The following CSMD2 variants were observed in gnomAD, a reference collection of about 807,000 sequenced individuals.
CSMD2 encodes CUB and sushi domain-containing protein 2.
CSMD2 carries 130 observed loss-of-function variants against 398.5 expected under a neutral mutation model. The observed-to-expected ratio is 0.33, with a 90% CI of 0.28 to 0.38. The LOEUF (loss-of-function observed/expected upper bound fraction) is 0.38. Among genes scored for constraint, CSMD2 ranks in the 10% least tolerant of loss-of-function variants. CSMD2 has a pLI of 1.00. For synonymous variants in CSMD2, 1,828 were observed against 1,908.5 expected, an observed-to-expected ratio of 0.96 and a Z score of 1.10; for missense variants, 3,829 against 4,764.9, an observed-to-expected ratio of 0.80 and a Z score of 5.78.
At chr1:33,704,902 A>T (rs1402575516) in intron 22 of CSMD2, among the ~76,000 whole-genome samples, 1 of 150,074 alleles carries the variant, frequency 6.7e-6, no homozygotes. Flanking sequence ...AGCTGGGACT[A>T]CAGGCACCCG....
At chr1:33,672,749 T>A (rs2149034646) in intron 25 of CSMD2, among the ~76,000 whole-genome samples, 1 of 152,304 alleles carries the variant, frequency 6.6e-6, no homozygotes, top group East Asian at 1.9e-4. Context: ...GGCTGGGTAC[T>A]CCTCTGAGAT....
intron 2 of CSMD2, among the ~76,000 whole-genome samples, chr1:34,051,206 T>C (rs1653132804): frequency 6.6e-6 from 1 of 152,124 alleles, no homozygotes; most frequent in East Asian, 1.9e-4. Flanking sequence ...CCAGAACAAC[T>C]CAATCCAGGC....
At chr1:33,600,395 A>G (rs1640135547) in intron 44 of CSMD2, 2 of 579,122 alleles carry the variant, frequency 3.5e-6, no homozygotes, top group Non-Finnish European at 6.1e-6. Flanking sequence ...GCTGCCAATA[A>G]AGGCATACCT....
At chr1:34,105,886 C>T (rs968861796) in intron 1 of CSMD2, among the ~76,000 whole-genome samples, 6 of 152,252 alleles carry the variant, frequency 3.9e-5, no homozygotes, top group South Asian at 2.1e-4. Context: ...ATACCACTTC[C>T]GTGTTTGTTG....
At chr1:34,138,330 G>T (rs1187572379) in intron 1 of CSMD2, among the ~76,000 whole-genome samples, 1 of 152,176 alleles carries the variant, frequency 6.6e-6, no homozygotes, top group African/African-American at 2.4e-5. Context: ...TCACAAGCTT[G>T]TCACTAAGGT....
intron 56 of CSMD2, among the ~76,000 whole-genome samples, chr1:33,548,728 T>A (rs922718293): frequency 3.9e-5 from 6 of 152,248 alleles, no homozygotes; most frequent in African/African-American, 1.4e-4. Context: ...GGATTTAAGG[T>A]TCACTCATTG....
At chr1:33,554,049 T>G (rs1470708722) in intron 55 of CSMD2, among the ~76,000 whole-genome samples, 2 of 152,118 alleles carry the variant, frequency 1.3e-5, no homozygotes. Flanking sequence ...AGAGGCCATT[T>G]CTATAACATA....
At chr1:33,884,136 C>T (rs28627490) in intron 5 of CSMD2, among the ~76,000 whole-genome samples, 5,542 of 152,130 alleles carry the variant, frequency 0.036, 134 homozygotes, top group South Asian at 0.076. Flanking sequence ...AGTCTAGGCT[C>T]CCAGGAAGTC....
At chr1:34,085,133 A>G (rs111371255) in intron 2 of CSMD2, among the ~76,000 whole-genome samples, 2 of 152,154 alleles carry the variant, frequency 1.3e-5, no homozygotes, top group African/African-American at 2.4e-5. Context: ...CACAAGGACA[A>G]AAAACCAAAC....
chr1:33,877,414 TCA>T (rs1415826535), intron 5 of CSMD2, among the ~76,000 whole-genome samples: 11 of 152,144 alleles, frequency 7.2e-5, no homozygotes, highest in Admixed American at 3.3e-4. Context: ...GGCCTGGAAC[TCA>T]CAGCAAAATT....
chr1:33,636,497 C>G lies in CSMD2; in HGVS notation c.4832G>C (p.Gly1611Ala). Residue 1611 changes from glycine (G) to alanine (A), a missense_variant, in exon 30 of 71, where the codon GGG becomes GCG. Coordinates refer to ENST00000373381, the MANE Select transcript of CSMD2 (RefSeq NM_001281956.2). This position sits in a 1 kb window ranked among gnomAD's most constrained non-coding sequence, Gnocchi z 4.8. Reference protein sequence around the residue: ...PGSIKNGTRVGSDLKLGSSVT... With the variant: ...PGSIKNGTRVASDLKLGSSVT... ...GGAGGAGCCCAGCTTCAGGTCGGACCCCACCCGTGTGCCGTTCTTGATGGA... is the reference window on the plus strand; with the variant it reads ...GGAGGAGCCCAGCTTCAGGTCGGACGCCACCCGTGTGCCGTTCTTGATGGA... 6.2e-7 allele frequency: 1 copy of G among 1,614,154 alleles called. No individual in the cohort carries two copies. Among genetic ancestry groups the G allele is most frequent in the African/African-American group, 1.3e-5 (1 of 75,026 alleles).
intron 2 of CSMD2, among the ~76,000 whole-genome samples, chr1:34,071,386 G>A (rs1037927967): frequency 6.6e-6 from 1 of 152,254 alleles, no homozygotes; most frequent in African/African-American, 2.4e-5. Context: ...AACTGGTGCA[G>A]TAATACGTGA....
At chr1:33,692,899 C>A (rs772344290) in intron 25 of CSMD2, 31 bp downstream of exon 25, 3 of 1,604,538 alleles carry the variant, frequency 1.9e-6, no homozygotes, top group Non-Finnish European at 8.5e-7. Context: ...GAACAACTGG[C>A]GATAGTTACT....
Position 33,709,136 on chromosome 1 carries a change from G to A in CSMD2, c.3529C>T (p.Gln1177Ter). The A allele has an allele frequency of 6.2e-7, 1 of 1,614,024 alleles. No individual in the cohort carries two copies. The highest frequency in any genetic ancestry group is 1.1e-5 in the South Asian group (1 of 91,038). The change falls in exon 22 of 71, where the codon CAG becomes TAG. Residue 1177 changes from glutamine (Q) to a stop codon, truncating the protein, a stop_gained. Transcript: ENST00000373381. LOFTEE classifies it high-confidence loss of function. ...AGTTCGAATGCCCTGGCTTTCAGCT[G>A]AATTCCCTTCCCTGGCTGGGTCTGG... ...SIQTQPGKGI[Q>*]LKARAFELSE...
chr1:33,836,681 C>T (rs1660308765), intron 6 of CSMD2, among the ~76,000 whole-genome samples: 1 of 152,206 alleles, frequency 6.6e-6, no homozygotes, highest in East Asian at 1.9e-4. Context: ...GATATAATCT[C>T]CTGGTGTGCC....
chr1:33,878,061 C>T (rs1640964585), intron 5 of CSMD2: 1 of 152,038 alleles, frequency 6.6e-6, no homozygotes, highest in Admixed American at 6.6e-5. Flanking sequence ...GCTGGAGTGA[C>T]CATTTGGGAC....
At chr1:34,016,787 T>TATAG (rs200651463) in intron 3 of CSMD2, among the ~76,000 whole-genome samples, 4 of 146,312 alleles carry the variant, frequency 2.7e-5, no homozygotes, top group African/African-American at 7.5e-5. Context: ...TACTATTTGA[T>TATAG]ATAGATAGAT....
chr1:34,044,307 T>A (rs3125614), intron 2 of CSMD2, among the ~76,000 whole-genome samples: 110,459 of 152,212 alleles, frequency 0.73, 40,319 homozygotes, highest in East Asian at 0.8. Context: ...CAGAAAACAA[T>A]TAAAAAATAA....
intron 13 of CSMD2, among the ~76,000 whole-genome samples, chr1:33,755,860 G>A (rs527523984): frequency 1.8e-3 from 267 of 151,596 alleles, no homozygotes; most frequent in African/African-American, 6.2e-3. Flanking sequence ...GGGGAGGGGG[G>A]TCTCACTATG....
Sources: gnomAD v4.1 joint callset for allele counts (sites outside exome capture counted in the v4.1 genomes callset) on GRCh38, gnomAD v4.1.1 for gene constraint, Gnocchi (gnomAD v3.1) non-coding constraint, MANE v1.5 for transcripts, NCBI Gene and HGNC (gene_info 2026-07-23, HGNC 2026-07-21) for gene names.